Variants in NOL9 observed in about 807,000 individuals in gnomAD.
The protein encoded by NOL9 is polynucleotide 5'-hydroxyl-kinase NOL9.
NOL9 carries 28 observed loss-of-function variants against 67.9 expected under a neutral mutation model. That is an observed-to-expected ratio of 0.41 (90% confidence interval 0.31 to 0.57). NOL9 has a LOEUF of 0.57. Among genes scored for constraint, NOL9 ranks in the 20% least tolerant of loss-of-function variants. NOL9 has a pLI of 0.25. For missense variants in NOL9, 777 were observed against 897.0 expected (o/e 0.87, Z 1.71); for synonymous variants, 356 against 352.2 (o/e 1.01, Z -0.12).
Position 6,529,111 on chromosome 1 carries a change from G to A in NOL9, c.1708C>T (p.Leu570=). Residue 570 remains leucine, a synonymous_variant, in exon 10 of 12, where the codon CTA becomes TTA. Transcript: ENST00000377705. ...THSDVAPTHI[L]YAVNASWVGL... is the part of the protein sequence containing the mutation. The stretch of plus-strand genomic sequence containing the variant: ...ACCCAGCTGGCGTTTACAGCATATA[G>A]TATATGGGTAGGGGCGACATCAGAG... 6.2e-7 allele frequency: 1 copy of A among 1,614,138 alleles called. No homozygotes were observed. Among genetic ancestry groups the A allele is most frequent in the Non-Finnish European group, 8.5e-7 (1 of 1,180,024 alleles).
intron 10 of NOL9, 25 bp downstream of exon 10, chr1:6,528,969 G>A: frequency 6.2e-7 from 1 of 1,610,172 alleles, no homozygotes; most frequent in South Asian, 1.1e-5. Context: ...GTAGGTTTAT[G>A]GATATGTTTT....
chr1:6,522,545 C>T lies in NOL9; in HGVS notation c.*3309G>A, dbSNP rs769857771. On this transcript the variant is annotated 3_prime_UTR_variant, in exon 12 of 12. Transcript: ENST00000377705. The stretch of plus-strand genomic sequence containing the variant: ...AGCCTTGGCGACAGAGAGTCCGTCG[C>T]AAAAGAAAAAAACAAACAAACAAAC... 5 of 149,554 alleles carry T rather than the reference C, an allele frequency of 3.3e-5. No individual in the cohort carries two copies. The highest frequency in any genetic ancestry group is 7.4e-5 in the Non-Finnish European group (5 of 67,536). The allele number at this position is 149,554 out of a possible 1,614,324, so 9.3% of individuals were successfully genotyped here.
chr1:6,549,808 T>TA (rs1639503216), intron 2 of NOL9, 110 bp from the exon 3 acceptor site: 2 of 1,337,280 alleles, frequency 1.5e-6, no homozygotes, highest in Admixed American at 4.3e-5. Flanking sequence ...GAGTAGGAAT[T>TA]ACGGTTGAGA....
chr1:6,534,970 ATTTTTGGAC>A (rs1231688341), intron 6 of NOL9, among the ~76,000 whole-genome samples: 1 of 152,008 alleles, frequency 6.6e-6, no homozygotes, highest in Non-Finnish European at 1.5e-5. Flanking sequence ...CACCTGGCTA[ATTTTTGGAC>A]TTTTTTAGTA....
At chr1:6,543,199 TTC>T (rs1436026391) in intron 5 of NOL9, among the ~76,000 whole-genome samples, 2 of 51,572 alleles carry the variant, frequency 3.9e-5, no homozygotes, top group African/African-American at 8.4e-5. Context: ...CAGCCTTTTT[TTC>T]TTTTTTTTTT....
At chr1:6,535,080 G>C (rs1027442241) in intron 6 of NOL9, among the ~76,000 whole-genome samples, 6 of 152,174 alleles carry the variant, frequency 3.9e-5, no homozygotes, top group African/African-American at 1.4e-4. Context: ...ACAGTGCTAG[G>C]ATTACAGGCA....
At chr1:6,544,725 A>G (rs1639382804) in intron 5 of NOL9, 101 bp downstream of exon 5, 1 of 1,220,222 alleles carries the variant, frequency 8.2e-7, no homozygotes, top group East Asian at 2.5e-5. Context: ...CCTGTATGTA[A>G]TCTCTAGCTA....
intron 6 of NOL9, among the ~76,000 whole-genome samples, chr1:6,534,864 C>T (rs937716744): frequency 2.0e-5 from 3 of 152,090 alleles, no homozygotes; most frequent in Non-Finnish European, 2.9e-5. Flanking sequence ...AGTGCAGTGG[C>T]GCAATCTCAG....
At chr1:6,530,396 G>A (rs940755301) in intron 9 of NOL9, among the ~76,000 whole-genome samples, 3 of 152,254 alleles carry the variant, frequency 2.0e-5, no homozygotes, top group African/African-American at 7.2e-5. Flanking sequence ...GGAGGTTGCA[G>A]TGAGCCAAGC....
At chr1:6,527,978 G>A (rs969624773) in intron 10 of NOL9, among the ~76,000 whole-genome samples, 3 of 152,286 alleles carry the variant, frequency 2.0e-5, no homozygotes, top group African/African-American at 7.2e-5. Flanking sequence ...GTGAGTACAG[G>A]CCAGGGGGAA....
At chr1:6,541,494 T>G (rs1639290520) in intron 6 of NOL9, among the ~76,000 whole-genome samples, 1 of 152,198 alleles carries the variant, frequency 6.6e-6, no homozygotes, top group Non-Finnish European at 1.5e-5. Context: ...ATTAACAGTA[T>G]TGATTCAGTA....
In NOL9 at chr1:6,554,170, G is replaced by C; in HGVS notation, c.333C>G (p.Leu111=). The change falls in exon 1 of 12, where the codon CTC becomes CTG. Residue 111 remains leucine (L), a synonymous_variant. Coordinates refer to ENST00000377705, the MANE Select transcript of NOL9 (RefSeq NM_024654.5). The stretch of plus-strand genomic sequence containing the variant: ...CCACGGGCCGCACCGGTGGGATGAG[G>C]AGAGGCCGGTGGCAACTCGAGGCGG... ...LESASSCHRP[L]LIPPVRPVGP... 3 of 1,526,952 alleles carry C rather than the reference G, an allele frequency of 2.0e-6. No individual in the cohort carries two copies. Among genetic ancestry groups the C allele is most frequent in the Non-Finnish European group, 2.6e-6 (3 of 1,136,658 alleles). 94.6% of individuals were successfully genotyped at this position (1,526,952 alleles called of 1,614,324 possible).
rs569012233 is a variant in NOL9 at position 6,553,944 on chromosome 1, G to A, written c.396+163C>T. Among the ~76,000 whole-genome samples, 22 of 152,304 alleles carry A rather than the reference G, an allele frequency of 1.4e-4. No homozygotes were observed. In the East Asian group the frequency reaches 4.1e-3, roughly 28 times the overall value. On this transcript the variant is annotated intron_variant, in intron 1 of 11. Transcript: ENST00000377705. ...GTACCTGTTACCCTGCTGCTCAGGG[G>A]AGCCTAGTTGCCACCAACCATCAAG... is the stretch of plus-strand genomic sequence containing the variant.
At chr1:6,526,238 C>T (rs1056136186) in intron 11 of NOL9, among the ~76,000 whole-genome samples, 3 of 152,154 alleles carry the variant, frequency 2.0e-5, no homozygotes, top group South Asian at 4.1e-4. Context: ...CAGCGTGAGG[C>T]AGAGTGGGGG....
At chr1:6,538,109 T>C (rs959804469) in intron 6 of NOL9, among the ~76,000 whole-genome samples, 2 of 150,772 alleles carry the variant, frequency 1.3e-5, no homozygotes, top group Admixed American at 6.6e-5. Context: ...AAGAAAACAT[T>C]AGAGACAATC....
Position 6,525,829 on chromosome 1 carries a change from T to G in NOL9, c.*25A>C. On this transcript the variant is annotated 3_prime_UTR_variant, in exon 12 of 12. Coordinates refer to ENST00000377705, the MANE Select transcript of NOL9 (RefSeq NM_024654.5). Reference sequence around the variant, plus strand: ...GACAAAGCTTTCTGGTAGGAAAGTTTCTTCCCTTATTAAAAACGCGAGCAT... The same window carrying G: ...GACAAAGCTTTCTGGTAGGAAAGTTGCTTCCCTTATTAAAAACGCGAGCAT... 6.2e-7 allele frequency: 1 copy of G among 1,613,098 alleles called. No individual in the cohort carries two copies. The highest frequency in any genetic ancestry group is 8.5e-7 in the Non-Finnish European group (1 of 1,179,350).
chr1:6,553,804 T>C (rs1023814844), intron 1 of NOL9, among the ~76,000 whole-genome samples: 1 of 151,884 alleles, frequency 6.6e-6, no homozygotes, highest in East Asian at 1.9e-4. Flanking sequence ...ATTGTGCCAC[T>C]GCACTCCAGC....
chr1:6,549,849 A>G, intron 2 of NOL9, 151 bp from the exon 3 acceptor site: 1 of 863,634 alleles, frequency 1.2e-6, no homozygotes, highest in Non-Finnish European at 1.8e-6. Flanking sequence ...CTACATACTA[A>G]GAACACATCT....
At position 6,522,993 on chromosome 1, in the gene NOL9, TCTA is replaced by T. The variant is rs1638805102; in HGVS notation, c.*2858_*2860del. On this transcript the variant is annotated 3_prime_UTR_variant, in exon 12 of 12. Coordinates refer to ENST00000377705, the MANE Select transcript of NOL9 (RefSeq NM_024654.5). ...CTAGCCAATACGGTGAAACCCTATCTCTACTAAAAATATAAAAATTAGCCAGGC... is the reference window on the plus strand; with the variant it reads ...CTAGCCAATACGGTGAAACCCTATCTCTAAAAATATAAAAATTAGCCAGGC... 1 of 150,350 alleles carries T rather than the reference TCTA, an allele frequency of 6.7e-6. No homozygotes were observed. The highest frequency in any genetic ancestry group is 2.0e-4 in the East Asian group (1 of 5,078). 9.3% of individuals were successfully genotyped at this position (150,350 alleles called of 1,614,324 possible).
Sources: gnomAD v4.1 joint callset for allele counts (sites outside exome capture counted in the v4.1 genomes callset) on GRCh38, gnomAD v4.1.1 for gene constraint, MANE v1.5 for transcripts, NCBI Gene and HGNC (gene_info 2026-07-23, HGNC 2026-07-21) for gene names.